PPP6R3: variants seen among roughly 807,000 people sequenced by gnomAD.
The protein encoded by PPP6R3 is protein phosphatase 6 regulatory subunit 3.
PPP6R3 carries 38 observed loss-of-function variants against 110.7 expected under a neutral mutation model. That is an observed-to-expected ratio of 0.34 (90% CI 0.26 to 0.45). PPP6R3 has a LOEUF of 0.45. PPP6R3 is among the 20% of genes least tolerant of loss of function. The probability of loss-of-function intolerance (pLI) is 1.00; values close to 1 mark genes in which losing one functional copy is unlikely to be tolerated. For synonymous variants in PPP6R3, 369 were observed against 373.5 expected, an observed-to-expected ratio of 0.99 and a Z score of 0.14; for missense variants, 870 against 1,062.4, an observed-to-expected ratio of 0.82 and a Z score of 2.52.
intron 1 of PPP6R3, among the ~76,000 whole-genome samples, chr11:68,463,358 A>G (rs1266218450): frequency 3.4e-5 from 5 of 146,298 alleles, no homozygotes; most frequent in African/African-American, 1.1e-4. Context: ...AGTCTCAGAA[A>G]AAAAAAAAAA....
At chr11:68,577,561 T>G (rs1383811900) in intron 14 of PPP6R3, among the ~76,000 whole-genome samples, 1 of 152,192 alleles carries the variant, frequency 6.6e-6, no homozygotes. Context: ...TGTTTTTATC[T>G]TAGGTAACTC....
At chr11:68,542,390 T>TTTTGTTTTTTTTTTG (rs2099322447) in intron 3 of PPP6R3, among the ~76,000 whole-genome samples, 4 of 54,662 alleles carry the variant, frequency 7.3e-5, no homozygotes, top group Non-Finnish European at 1.4e-4. Context: ...GAAGCTGCTG[T>TTTTGTTTTTTTTTTG]TTTTTTTTTT....
chr11:68,604,808 T>G (rs1938559685), intron 22 of PPP6R3, among the ~76,000 whole-genome samples: 1 of 152,240 alleles, frequency 6.6e-6, no homozygotes, highest in African/African-American at 2.4e-5. Context: ...TCATGGAATA[T>G]ATTGAAGACC....
chr11:68,477,741 A>AAAAAATATATATATAT, intron 1 of PPP6R3, among the ~76,000 whole-genome samples: 20 of 57,906 alleles, frequency 3.5e-4, no homozygotes, highest in South Asian at 6.0e-4. Context: ...AAAAAAAAAA[A>AAAAAATATATATATAT]ATATATATAT....
In PPP6R3 at chr11:68,558,664, A is replaced by G. The variant is rs1423379580; in HGVS notation, c.830A>G (p.Glu277Gly). The change falls in exon 8 of 24, where the codon GAG becomes GGG. Residue 277 changes from glutamate (E) to glycine (G), a missense_variant. Transcript: ENST00000393800. ...SAIQILLTLL[E>G]TRRPTFEGHI... ...ATCCAGATATTGCTGACTTTACTTG[A>G]GACACGACGACCAACGTAAGCTTTT... is the stretch of plus-strand genomic sequence containing the variant. The G allele has an allele frequency of 6.2e-7, 1 of 1,609,684 alleles. No homozygotes were observed. The highest frequency in any genetic ancestry group is 1.7e-5 in the Admixed American group (1 of 59,470).
At chr11:68,568,832 T>C (rs565079505) in intron 10 of PPP6R3, among the ~76,000 whole-genome samples, 4 of 152,126 alleles carry the variant, frequency 2.6e-5, no homozygotes, top group Admixed American at 6.5e-5. Context: ...TGCAGTGATC[T>C]TGGCTCACTG....
In PPP6R3 at chr11:68,613,220, C is replaced by A; in HGVS notation, c.*103C>A. The A allele has an allele frequency of 6.5e-7, 1 of 1,531,964 alleles. No individual in the cohort carries two copies. The highest frequency in any genetic ancestry group is 2.1e-5 in the Admixed American group (1 of 47,796). 94.9% of individuals were successfully genotyped at this position (1,531,964 alleles called of 1,614,324 possible). ...CACCAAGCTGTCACTGCTGCACTCA[C>A]TCTGCAAGGGATCAGGACCAGCAAC... On this transcript the variant is annotated 3_prime_UTR_variant, in exon 24 of 24. Transcript: ENST00000393800.
chr11:68,539,750 C>T (rs1565696335), intron 3 of PPP6R3, among the ~76,000 whole-genome samples: 1 of 152,156 alleles, frequency 6.6e-6, no homozygotes, highest in Non-Finnish European at 1.5e-5. Flanking sequence ...GTAAACCAGA[C>T]TAAAAAGTCC....
At chr11:68,608,191 CA>C (rs1941383703) in intron 22 of PPP6R3, among the ~76,000 whole-genome samples, 3 of 152,004 alleles carry the variant, frequency 2.0e-5, no homozygotes, top group Admixed American at 2.0e-4. Context: ...GCTAAATCAA[CA>C]AGAGACTGAC....
At position 68,614,860 on chromosome 11, in the gene PPP6R3, T is replaced by G. The variant is rs530899398; in HGVS notation, c.*1743T>G. Reference sequence around the variant, plus strand: ...TGCCTGACTTGAATGGCGTTGGACCTCGGGGATTACTGGTAGATAATATGC... The same window carrying G: ...TGCCTGACTTGAATGGCGTTGGACCGCGGGGATTACTGGTAGATAATATGC... On this transcript the variant is annotated 3_prime_UTR_variant, in exon 24 of 24. Coordinates refer to ENST00000393800, the MANE Select transcript of PPP6R3 (RefSeq NM_001164161.2). 2.0e-6 allele frequency: 2 copies of G among 1,020,562 alleles called. No individual in the cohort carries two copies. The highest frequency in any genetic ancestry group is 1.4e-5 in the South Asian group (1 of 73,164). The allele number at this position is 1,020,562 out of a possible 1,614,324, so 63.2% of individuals were successfully genotyped here. A position where few individuals can be genotyped will look rare whatever the true frequency, so the allele number is the denominator to read the frequency against.
At chr11:68,561,466 C>G (rs1035726376) in intron 8 of PPP6R3, among the ~76,000 whole-genome samples, 9 of 152,110 alleles carry the variant, frequency 5.9e-5, no homozygotes, top group Admixed American at 3.3e-4. Flanking sequence ...AGAGGGCCGA[C>G]TGCAAGTAAC....
At chr11:68,525,272 C>T (rs2099190612) in intron 2 of PPP6R3, among the ~76,000 whole-genome samples, 1 of 152,102 alleles carries the variant, frequency 6.6e-6, no homozygotes, top group Admixed American at 6.5e-5. Flanking sequence ...TGGTAGGCAC[C>T]TAATAATTGG....
rs567187703 is a variant in PPP6R3, at chr11:68,522,468, C to T, written c.-7+2817C>T. 2.0e-5 allele frequency: 3 copies of T among 152,320 alleles called. No individual in the cohort carries two copies. The East Asian group carries it at 5.8e-4, about 29-fold the overall frequency. The allele number at this position is 152,320 out of a possible 1,614,324, so 9.4% of individuals were successfully genotyped here. A position where few individuals can be genotyped will look rare whatever the true frequency, so the allele number is the denominator to read the frequency against. On this transcript the variant is annotated intron_variant, in intron 2 of 23. Coordinates refer to ENST00000393800, the MANE Select transcript of PPP6R3 (RefSeq NM_001164161.2). ...CAGCTATCCAGTGTTCAGTAATGGTCGTTTACAACTGTTCTTCTTGTTCAG... is the reference window on the plus strand; with the variant it reads ...CAGCTATCCAGTGTTCAGTAATGGTTGTTTACAACTGTTCTTCTTGTTCAG...
At chr11:68,612,241 G>A (rs1446285431) in intron 23 of PPP6R3, among the ~76,000 whole-genome samples, 1 of 152,192 alleles carries the variant, frequency 6.6e-6, no homozygotes, top group Non-Finnish European at 1.5e-5. Context: ...TCAGATGTAA[G>A]TAAGTGAGCA....
chr11:68,527,415 C>T (rs557655667), intron 2 of PPP6R3, among the ~76,000 whole-genome samples: 1 of 152,290 alleles, frequency 6.6e-6, no homozygotes, highest in East Asian at 1.9e-4. Context: ...CCAGTCTCTA[C>T]AGTGCCCCAC....
intron 1 of PPP6R3, among the ~76,000 whole-genome samples, chr11:68,477,741 A>AAAAAAAAATATATATATAT: frequency 1.9e-4 from 11 of 57,906 alleles, no homozygotes; most frequent in African/African-American, 7.8e-4. Flanking sequence ...AAAAAAAAAA[A>AAAAAAAAATATATATATAT]ATATATATAT....
chr11:68,523,442 G>T (rs1273153211), intron 2 of PPP6R3, among the ~76,000 whole-genome samples: 1 of 152,232 alleles, frequency 6.6e-6, no homozygotes, highest in African/African-American at 2.4e-5. Context: ...AGATCCGTCA[G>T]ACCTTCCATG....
chr11:68,537,885 G>A lies in PPP6R3; in HGVS notation c.221G>A (p.Arg74Lys). 1 of 1,603,524 alleles carries A rather than the reference G, an allele frequency of 6.2e-7. No individual in the cohort carries two copies. Among genetic ancestry groups the A allele is most frequent in the Non-Finnish European group, 8.5e-7 (1 of 1,170,918 alleles). The change falls in exon 3 of 24, where the codon AGA becomes AAA. Residue 74 changes from arginine to lysine, a missense_variant. Arg to Lys is a conservative substitution (Grantham distance 26). Transcript: ENST00000393800. ...CCTCAAGACATGGATGAAAAGATCA[G>A]ATACAAGTAAGACAATTCAATCTTC... is the stretch of plus-strand genomic sequence containing the variant. ...EPPQDMDEKI[R>K]YKYPNISCEL...
chr11:68,614,165 C>T lies in PPP6R3; in HGVS notation c.*1048C>T, dbSNP rs936401006. ...TAGAAATCAAAATCTGGCACCGAAG[C>T]ATGCTAATTGTTTACTGTACCTTGT... is the stretch of plus-strand genomic sequence containing the variant. On this transcript the variant is annotated 3_prime_UTR_variant, in exon 24 of 24. Coordinates refer to ENST00000393800, the MANE Select transcript of PPP6R3 (RefSeq NM_001164161.2). 8 of 985,978 alleles carry T rather than the reference C, an allele frequency of 8.1e-6. No homozygotes were observed. The African/African-American group carries it at 1.2e-4, about 15-fold the overall frequency. 61.1% of individuals were successfully genotyped at this position (985,978 alleles called of 1,614,324 possible).
Sources: allele counts gnomAD v4.1 joint callset (sites outside exome capture counted in the v4.1 genomes callset), GRCh38; gene constraint gnomAD v4.1.1; transcripts MANE v1.5; gene names NCBI Gene and HGNC (gene_info 2026-07-23, HGNC 2026-07-21).